The following KANK1 variants were observed in gnomAD, a reference collection of about 807,000 sequenced individuals.
KANK1 encodes KN motif and ankyrin repeat domains 1, also known as KN motif and ankyrin repeat domain-containing protein 1.
In KANK1, 109 loss-of-function variants were observed where a neutral mutation model predicts 106.2. The ratio of observed to expected loss-of-function variants is 1.03; its 90% CI spans 0.88 to 1.20. The LOEUF is 1.20. Ranked by LOEUF, KANK1 falls within the 50% of genes most tolerant of loss-of-function variation. The pLI is 0.00. For synonymous variants in KANK1, 873 were observed against 652.2 expected (o/e 1.34, Z -5.16); for missense variants, 2,399 against 1,710.7 (o/e 1.40, Z -7.10).
chr9:691,143 T>G (rs914022174), intron 2 of KANK1, among the ~76,000 whole-genome samples: 2 of 152,156 alleles, frequency 1.3e-5, no homozygotes, highest in Non-Finnish European at 2.9e-5. Context: ...GGCATTTATT[T>G]GCATACAATG....
intron 1 of KANK1, among the ~76,000 whole-genome samples, chr9:565,189 G>C (rs1327743656): frequency 1.3e-5 from 2 of 152,214 alleles, no homozygotes; most frequent in African/African-American, 4.8e-5. Context: ...GAGAGCTGGA[G>C]AACATCTATT....
intron 3 of KANK1, among the ~76,000 whole-genome samples, chr9:723,510 A>T (rs1374720145): frequency 6.6e-6 from 1 of 152,020 alleles, no homozygotes; most frequent in Non-Finnish European, 1.5e-5. Flanking sequence ...CCTGTGTCCT[A>T]GCTACTCCAA....
At chr9:736,169 A>G (rs1447346517) in intron 7 of KANK1, among the ~76,000 whole-genome samples, 2 of 152,182 alleles carry the variant, frequency 1.3e-5, no homozygotes, top group Non-Finnish European at 2.9e-5. Context: ...CGTGTTAGTC[A>G]GGATGGTCTC....
At chr9:714,498 T>A (rs1465959693) in intron 3 of KANK1, among the ~76,000 whole-genome samples, 1 of 151,496 alleles carries the variant, frequency 6.6e-6, no homozygotes, top group African/African-American at 2.4e-5. Context: ...TAGCTGGGAC[T>A]ACAGGTGCCC....
chr9:473,041 G>C (rs1479774321), intron 2 of KANK1, among the ~76,000 whole-genome samples: 1 of 152,216 alleles, frequency 6.6e-6, no homozygotes, highest in Non-Finnish European at 1.5e-5. Flanking sequence ...CTAAGGCCTG[G>C]GTTGAGATTT....
chr9:516,000 G>A (rs1436964559), intron 1 of KANK1, among the ~76,000 whole-genome samples: 1 of 151,736 alleles, frequency 6.6e-6, no homozygotes, highest in Non-Finnish European at 1.5e-5. Flanking sequence ...AGACCTGTAT[G>A]CCTCTTTAGG....
At chr9:678,168 T>C (rs1314921422) in intron 2 of KANK1, among the ~76,000 whole-genome samples, 1 of 152,164 alleles carries the variant, frequency 6.6e-6, no homozygotes, top group African/African-American at 2.4e-5. Context: ...TCTTTCCCTG[T>C]CCATTCCATT....
chr9:539,461 C>T (rs2060471535), intron 1 of KANK1: 1 of 152,124 alleles, frequency 6.6e-6, no homozygotes, highest in Non-Finnish European at 1.5e-5. Context: ...AGATCTTTCA[C>T]CTCCTTGGTT....
chr9:512,647 C>A (rs983226665), intron 1 of KANK1, among the ~76,000 whole-genome samples: 1 of 152,080 alleles, frequency 6.6e-6, no homozygotes, highest in African/African-American at 2.4e-5. Flanking sequence ...TAATAACTTC[C>A]CTTTTGCCAA....
intron 3 of KANK1, among the ~76,000 whole-genome samples, chr9:491,283 T>G (rs2058373642): frequency 2.0e-5 from 3 of 151,094 alleles, no homozygotes. Context: ...TTCTTTTTTT[T>G]TTTTAGACAG....
Position 507,539 on chromosome 9 carries a change from G to A in KANK1, c.-84+2785G>A, listed in dbSNP as rs919623660. Among the ~76,000 whole-genome samples the A allele has an allele frequency of 4.7e-5, 7 of 148,436 alleles. 1 individual carries two copies. The highest frequency in any genetic ancestry group is 2.0e-4 in the Admixed American group (3 of 14,922). On this transcript the variant is annotated intron_variant, in intron 1 of 11. Transcript: ENST00000382297. ...CAAGTAGCTGGGATTACAGGCACCTGCCACCATGCCCGGCTAATTTTTTTT... is the reference window on the plus strand; with the variant it reads ...CAAGTAGCTGGGATTACAGGCACCTACCACCATGCCCGGCTAATTTTTTTT...
chr9:660,978 A>G lies in KANK1; in HGVS notation c.-83-15912A>G, dbSNP rs114977451. On this transcript the variant is annotated intron_variant, in intron 1 of 11. Transcript: ENST00000382297. ...AAGTTAAACCTTTGACAAGGGAACA[A>G]ATCTCAAAACTGATGTACCAGTCAT... 8.4e-3 allele frequency among the ~76,000 whole-genome samples: 1,281 copies of G among 152,280 alleles called. 28 individuals are homozygous for G. The highest frequency in any genetic ancestry group is 0.029 in the African/African-American group (1,210 of 41,520).
At chr9:518,396 A>G (rs1022554042) in intron 1 of KANK1, among the ~76,000 whole-genome samples, 3 of 148,582 alleles carry the variant, frequency 2.0e-5, no homozygotes, top group Non-Finnish European at 4.5e-5. Flanking sequence ...CTTGACCCCC[A>G]GTGGCCCAGG....
chr9:597,417 A>C (rs1284457505), intron 1 of KANK1, among the ~76,000 whole-genome samples: 1 of 151,750 alleles, frequency 6.6e-6, no homozygotes, highest in Non-Finnish European at 1.5e-5. Context: ...GTGGGTATAA[A>C]GTAGTATTTT....
chr9:510,196 G>A (rs935091809), intron 1 of KANK1, among the ~76,000 whole-genome samples: 1 of 152,048 alleles, frequency 6.6e-6, no homozygotes, highest in African/African-American at 2.4e-5. Flanking sequence ...TAATGGTGAG[G>A]TTGACCATGA....
rs750322651 is a variant in KANK1 at position 744,516 on chromosome 9, C to T, written c.3923C>T (p.Ala1308Val). The T allele has an allele frequency of 4.3e-6, 7 of 1,613,990 alleles. No individual in the cohort carries two copies. The highest frequency in any genetic ancestry group is 2.7e-5 in the African/African-American group (2 of 74,926). The change falls in exon 11 of 12, where the codon GCC becomes GTC. Residue 1308 changes from alanine to valine, a missense_variant. Physicochemically the swap from Ala to Val is moderately conservative, Grantham distance 64. Coordinates refer to ENST00000382297, the MANE Select transcript of KANK1 (RefSeq NM_015158.5). ...DNDGSTALSI[A>V]LEAGHKDIAV... Reference sequence around the variant, plus strand: ...GATGGCAGCACTGCGCTCTCAATCGCCCTGGAAGCAGGACACAAGGACATC... The same window carrying T: ...GATGGCAGCACTGCGCTCTCAATCGTCCTGGAAGCAGGACACAAGGACATC...
intron 1 of KANK1, among the ~76,000 whole-genome samples, chr9:625,863 C>G (rs10124715): frequency 0.031 from 4,712 of 152,208 alleles, 244 homozygotes; most frequent in African/African-American, 0.11. Context: ...TCTCTCACCA[C>G]TCGGTTCATT....
At chr9:684,581 AT>A in intron 2 of KANK1, 4 of 985,342 alleles carry the variant, frequency 4.1e-6, no homozygotes, top group Non-Finnish European at 4.8e-6. Context: ...CGTTGTGAGT[AT>A]TGGCATTTAT....
At chr9:499,372 G>A (rs774206162) in intron 3 of KANK1, among the ~76,000 whole-genome samples, 3 of 152,094 alleles carry the variant, frequency 2.0e-5, no homozygotes, top group Non-Finnish European at 4.4e-5. Context: ...ACAAAATGTG[G>A]TACATCCACA....
Sources: allele counts gnomAD v4.1 joint callset (sites outside exome capture counted in the v4.1 genomes callset), GRCh38; gene constraint gnomAD v4.1.1; transcripts MANE v1.5; gene names NCBI Gene and HGNC (gene_info 2026-07-23, HGNC 2026-07-21).